RAI14: variants seen among roughly 807,000 people sequenced by gnomAD.
The protein encoded by RAI14 is ankycorbin.
In RAI14, 45 loss-of-function variants were observed where a neutral mutation model predicts 115.4. The ratio of observed to expected loss-of-function variants is 0.39; its 90% confidence interval spans 0.31 to 0.50. The LOEUF (loss-of-function observed/expected upper bound fraction) is 0.50, where lower values mean the gene tolerates loss of function less well. Among genes scored for constraint, RAI14 ranks in the 20% least tolerant of loss-of-function variants. RAI14 has a pLI of 0.85. For synonymous variants in RAI14, 371 were observed against 415.4 expected (o/e 0.89, Z 1.30); for missense variants, 939 against 1,131.2 (o/e 0.83, Z 2.44).
intron 7 of RAI14, among the ~76,000 whole-genome samples, chr5:34,810,349 T>C (rs1055275045): frequency 4.6e-5 from 7 of 152,234 alleles, no homozygotes; most frequent in South Asian, 2.1e-4. Context: ...TTGTTTTATA[T>C]TGTAATGTTT....
rs761118730 is a variant in RAI14, at chr5:34,665,493, C to CT, written c.-49+9033dup. On this transcript the variant is annotated intron_variant, in intron 1 of 17. Transcript: ENST00000265109. ...AGTAAAGTGTTTTCCATTTTTTTTT[C>CT]TTTTTTTTTTTTTTTCTCTAAGAGG... Among the ~76,000 whole-genome samples the CT allele has an allele frequency of 4.9e-3, 666 of 134,562 alleles. 4 individuals carry two copies. The highest frequency in any genetic ancestry group is 0.012 in the African/African-American group (436 of 36,916). 88.3% of individuals were successfully genotyped at this position (134,562 alleles called of 152,430 possible).
intron 1 of RAI14, among the ~76,000 whole-genome samples, chr5:34,676,550 T>C (rs533986053): frequency 6.6e-6 from 1 of 152,296 alleles, no homozygotes; most frequent in Admixed American, 6.5e-5. Flanking sequence ...TTTGGTAGGC[T>C]TATTGGAGCA....
chr5:34,717,855 G>A (rs1447572677), intron 2 of RAI14, among the ~76,000 whole-genome samples: 1 of 151,004 alleles, frequency 6.6e-6, no homozygotes, highest in Non-Finnish European at 1.5e-5. Flanking sequence ...TTCTCAGGGA[G>A]GGCAGTGAAC....
intron 5 of RAI14, among the ~76,000 whole-genome samples, chr5:34,806,604 A>G (rs529231557): frequency 1.2e-3 from 184 of 152,070 alleles, no homozygotes; most frequent in Non-Finnish European, 1.8e-3. Flanking sequence ...TGGGGTGAGG[A>G]AGAGGGGTCG....
At chr5:34,710,438 A>G (rs1460851953) in intron 2 of RAI14, among the ~76,000 whole-genome samples, 3 of 152,096 alleles carry the variant, frequency 2.0e-5, no homozygotes, top group Non-Finnish European at 4.4e-5. Flanking sequence ...CCCATGGCAT[A>G]GGCTCTCTGT....
chr5:34,672,666 G>A (rs954050987), intron 1 of RAI14, among the ~76,000 whole-genome samples: 37 of 152,124 alleles, frequency 2.4e-4, no homozygotes, highest in Non-Finnish European at 4.7e-4. Context: ...CATGGCCCCT[G>A]GGGAGTGATG....
Position 34,665,157 on chromosome 5 carries a change from G to A in RAI14, c.-49+8682G>A, listed in dbSNP as rs764293048. ...TATATATATACACATATATATGTGT[G>A]TGTATATATATATATACACACATAT... On this transcript the variant is annotated intron_variant, in intron 1 of 17. Transcript: ENST00000265109. Among the ~76,000 whole-genome samples, 48 of 17,220 alleles carry A rather than the reference G, an allele frequency of 2.8e-3. 7 individuals carry two copies. Among genetic ancestry groups the A allele is most frequent in the South Asian group, 0.018 (3 of 170 alleles). 11.3% of individuals were successfully genotyped at this position (17,220 alleles called of 152,430 possible).
chr5:34,823,485 G>A lies in RAI14; in HGVS notation c.1643G>A (p.Arg548Lys). ...DLQNALEESE[R>K]NKEKVRELEE... ...CAGAATGCATTAGAAGAAAGTGAAA[G>A]AAATAAAGAGAAAGTGAGAGAGTTA... The change falls in exon 15 of 18, where the codon AGA becomes AAA. Residue 548 changes from arginine (R) to lysine (K), a missense_variant. Arg to Lys is a conservative substitution (Grantham distance 26). Coordinates refer to ENST00000265109, the MANE Select transcript of RAI14 (RefSeq NM_015577.3). This position sits in a 1 kb window ranked among gnomAD's most constrained non-coding sequence, Gnocchi z 4.5. 1 of 1,614,042 alleles carries A rather than the reference G, an allele frequency of 6.2e-7. No individual in the cohort carries two copies. Among genetic ancestry groups the A allele is most frequent in the Non-Finnish European group, 8.5e-7 (1 of 1,179,992 alleles).
At chr5:34,683,501 T>G (rs565803488) in intron 1 of RAI14, among the ~76,000 whole-genome samples, 1 of 151,924 alleles carries the variant, frequency 6.6e-6, no homozygotes, top group African/African-American at 2.4e-5. Context: ...GAAACCCCCA[T>G]GACCTCAAAC....
intron 1 of RAI14, among the ~76,000 whole-genome samples, chr5:34,682,227 C>T (rs1561232665): frequency 1.3e-5 from 2 of 151,444 alleles, no homozygotes; most frequent in Non-Finnish European, 2.9e-5. Context: ...AAAAAAACAG[C>T]TTTGTTGAGA....
chr5:34,754,727 T>C (rs1747657137), intron 2 of RAI14, among the ~76,000 whole-genome samples: 1 of 152,168 alleles, frequency 6.6e-6, no homozygotes. Flanking sequence ...TTCAGACCAC[T>C]AGGAATGTTG....
chr5:34,764,486 C>T (rs559344930), intron 3 of RAI14, among the ~76,000 whole-genome samples: 25 of 151,520 alleles, frequency 1.6e-4, no homozygotes, highest in South Asian at 2.1e-4. Flanking sequence ...GGTGCTACAT[C>T]GTGATACATT....
intron 4 of RAI14, among the ~76,000 whole-genome samples, chr5:34,798,520 T>G (rs930092478): frequency 1.3e-5 from 2 of 152,204 alleles, no homozygotes; most frequent in Admixed American, 1.3e-4. Context: ...GAGATCACAT[T>G]ATATAATAAA....
chr5:34,675,841 A>T (rs2149863227), intron 1 of RAI14, among the ~76,000 whole-genome samples: 1 of 152,120 alleles, frequency 6.6e-6, no homozygotes, highest in South Asian at 2.1e-4. Flanking sequence ...TTTGAGCTTC[A>T]TCCATGCTTC....
chr5:34,784,245 G>A (rs1290522960), intron 3 of RAI14, among the ~76,000 whole-genome samples: 2 of 152,216 alleles, frequency 1.3e-5, no homozygotes, highest in Admixed American at 6.5e-5. Flanking sequence ...TTGAGCTGAA[G>A]TATAGGGTGT....
chr5:34,803,359 G>T (rs1216913968), intron 4 of RAI14, among the ~76,000 whole-genome samples: 1 of 152,090 alleles, frequency 6.6e-6, no homozygotes, highest in African/African-American at 2.4e-5. Flanking sequence ...ATCAGCTTGC[G>T]CAACGTGGCG....
chr5:34,703,878 G>A (rs1039765700), intron 2 of RAI14, among the ~76,000 whole-genome samples: 1 of 152,192 alleles, frequency 6.6e-6, no homozygotes, highest in Non-Finnish European at 1.5e-5. Context: ...TAAAGAACAA[G>A]CTCCTTTAAT....
At chr5:34,750,980 G>A (rs1252389164) in intron 2 of RAI14, among the ~76,000 whole-genome samples, 1 of 147,484 alleles carries the variant, frequency 6.8e-6, no homozygotes, top group African/African-American at 2.5e-5. Context: ...AGCATCCCGA[G>A]TAGCGGGGAT....
intron 4 of RAI14, among the ~76,000 whole-genome samples, chr5:34,801,630 A>G (rs1479767429): frequency 1.3e-5 from 2 of 152,126 alleles, no homozygotes; most frequent in Non-Finnish European, 2.9e-5. Context: ...AATCCCAGCT[A>G]CTTGGGAGGC....
Sources: allele counts gnomAD v4.1 joint callset (sites outside exome capture counted in the v4.1 genomes callset), GRCh38; gene constraint gnomAD v4.1.1; non-coding constraint Gnocchi (gnomAD v3.1); transcripts MANE v1.5; gene names NCBI Gene and HGNC (gene_info 2026-07-23, HGNC 2026-07-21).